Variants in MCM3AP observed in about 807,000 individuals in gnomAD.
The protein encoded by MCM3AP is germinal-center associated nuclear protein.
Under a neutral mutation model 184.1 loss-of-function variants are expected in MCM3AP, and 126 were observed. The ratio of observed to expected loss-of-function variants is 0.68; its 90% CI spans 0.59 to 0.79. The LOEUF is 0.79. MCM3AP is among the 30% of genes least tolerant of loss of function. MCM3AP has a pLI of 0.00. For missense variants in MCM3AP, 2,496 were observed against 2,479.2 expected, an observed-to-expected ratio of 1.01 and a Z score of -0.14; for synonymous variants, 1,002 against 979.3, an observed-to-expected ratio of 1.02 and a Z score of -0.43.
At chr21:46,257,919 C>A in intron 16 of MCM3AP, among the ~76,000 whole-genome samples, 1 of 110,344 alleles carries the variant, frequency 9.1e-6, no homozygotes. Context: ...AGTGAGACTC[C>A]ATCTCAAAAA....
intron 14 of MCM3AP, 69 bp downstream of exon 14, chr21:46,261,211 G>C (rs2081036960): frequency 1.3e-6 from 2 of 1,576,168 alleles, no homozygotes; most frequent in Admixed American, 1.7e-5. Flanking sequence ...GAGCATCGTG[G>C]CTAGGGTCAG....
In MCM3AP at chr21:46,264,357, A is replaced by G. The variant is rs542703747; in HGVS notation, c.3235-140T>C. 3.5e-5 allele frequency: 21 copies of G among 605,918 alleles called. No individual in the cohort carries two copies. In the African/African-American group the frequency reaches 3.5e-4, roughly 10 times the overall value. The allele number at this position is 605,918 out of a possible 1,614,324, so 37.5% of individuals were successfully genotyped here. On this transcript the variant is annotated intron_variant, in intron 12 of 27. Coordinates refer to ENST00000291688, the MANE Select transcript of MCM3AP (RefSeq NM_003906.5). ...GACACGGGGTCGGCTAGGCTGTTGC[A>G]GGAAAGGTGTCCCCTAGCGAATGGA...
intron 20 of MCM3AP, 84 bp downstream of exon 20, chr21:46,251,445 A>G (rs2080866570): frequency 9.0e-7 from 1 of 1,110,364 alleles, no homozygotes; most frequent in African/African-American, 1.5e-5. Context: ...GGGAATAAGC[A>G]GTATTTGCAT....
intron 10 of MCM3AP, 86 bp downstream of exon 10, chr21:46,266,896 C>G (rs905860919): frequency 2.1e-6 from 3 of 1,443,146 alleles, no homozygotes; most frequent in Non-Finnish European, 2.8e-6. Context: ...TCAAGTCAGG[C>G]AAGCAGCCAG....
At position 46,262,696 on chromosome 21, in the gene MCM3AP, G is replaced by A. The variant is rs868300396; in HGVS notation, c.3336-1285C>T. 6.6e-5 allele frequency among the ~76,000 whole-genome samples: 10 copies of A among 151,948 alleles called. No homozygotes were observed. In the Middle Eastern group the frequency reaches 0.01, roughly 155 times the overall value. ...AAGAAATAAAAAGGAGGCCGGGCGC[G>A]GTGGCTCACGCCTGTAATCCCAGCA... On this transcript the variant is annotated intron_variant, in intron 13 of 27. Transcript: ENST00000291688.
intron 9 of MCM3AP, 90 bp downstream of exon 9, chr21:46,270,311 C>T: frequency 7.6e-7 from 1 of 1,314,036 alleles, no homozygotes; most frequent in Non-Finnish European, 1.1e-6. Flanking sequence ...CCTGAGACCT[C>T]CTTTGAAAAG....
chr21:46,262,410 G>T (rs976978377), intron 13 of MCM3AP, among the ~76,000 whole-genome samples: 2 of 152,180 alleles, frequency 1.3e-5, no homozygotes, highest in African/African-American at 4.8e-5. Context: ...CATTTCAGGA[G>T]GCTGAGGTGG....
chr21:46,255,566 C>T (rs1043117031), intron 17 of MCM3AP, among the ~76,000 whole-genome samples: 2 of 151,972 alleles, frequency 1.3e-5, no homozygotes, highest in African/African-American at 4.8e-5. Context: ...AGGTTTGTGC[C>T]CTAAGCGCAG....
intron 25 of MCM3AP, chr21:46,241,344 C>A: frequency 4.3e-6 from 1 of 234,984 alleles, no homozygotes; most frequent in Non-Finnish European, 8.4e-6. Flanking sequence ...TGTCTTGCTT[C>A]CCACCCTAGG....
intron 9 of MCM3AP, among the ~76,000 whole-genome samples, chr21:46,268,448 A>G (rs1463197989): frequency 6.6e-6 from 1 of 152,234 alleles, no homozygotes; most frequent in Non-Finnish European, 1.5e-5. Flanking sequence ...GGAGAGACCA[A>G]TGCCACAGAA....
At chr21:46,243,279 C>G in intron 24 of MCM3AP, 186 bp downstream of exon 24, 1 of 773,840 alleles carries the variant, frequency 1.3e-6, no homozygotes, top group Non-Finnish European at 2.1e-6. Flanking sequence ...AGTTCAGGCT[C>G]TACCAGAAAC....
chr21:46,240,504 G>C (rs747088122), intron 26 of MCM3AP, among the ~76,000 whole-genome samples: 16 of 152,186 alleles, frequency 1.1e-4, no homozygotes, highest in Non-Finnish European at 2.1e-4. Flanking sequence ...GCCAGCCATA[G>C]TGTTCAGCAC....
At position 46,260,904 on chromosome 21, in the gene MCM3AP, A is replaced by G; in HGVS notation, c.3470T>C (p.Leu1157Ser). The change falls in exon 15 of 28, where the codon TTG becomes TCG. Residue 1157 changes from leucine (L) to serine (S), a missense_variant and splice_region_variant. Physicochemically the swap from Leu to Ser is moderately radical, Grantham distance 145 (BLOSUM62 -2). This residue lies in a region of MCM3AP where 1,323 missense variants were observed against 1,273.4 expected (regional missense o/e 1.04). Transcript: ENST00000291688. ...TAACACCAGCTCTCTCTCTTGTTTC[A>G]ACCTACAGGGAAGAGAAAAAATACA... Reference protein sequence around the residue: ...QERQRAEEERLKQERELVLSE... With the variant: ...QERQRAEEERSKQERELVLSE... 1 of 1,606,454 alleles carries G rather than the reference A, an allele frequency of 6.2e-7. No homozygotes were observed. Among genetic ancestry groups the G allele is most frequent in the Non-Finnish European group, 8.5e-7 (1 of 1,172,994 alleles).
chr21:46,269,379 C>G (rs2081152915), intron 9 of MCM3AP, among the ~76,000 whole-genome samples: 1 of 152,110 alleles, frequency 6.6e-6, no homozygotes, highest in Admixed American at 6.5e-5. Flanking sequence ...CCAAGTTTGC[C>G]AAGGTGCCAG....
chr21:46,237,803 T>TAA (rs201350314), intron 26 of MCM3AP, among the ~76,000 whole-genome samples: 6 of 108,294 alleles, frequency 5.5e-5, no homozygotes, highest in Non-Finnish European at 5.7e-5. Flanking sequence ...AAGCTTAATT[T>TAA]AAAAAAAAAA....
chr21:46,277,402 G>T, intron 5 of MCM3AP, 125 bp downstream of exon 5: 1 of 635,600 alleles, frequency 1.6e-6, no homozygotes, highest in Non-Finnish European at 2.6e-6. Context: ...ATCAGACACA[G>T]CATATCACAG....
At chr21:46,257,766 A>G (rs1354743858) in intron 16 of MCM3AP, among the ~76,000 whole-genome samples, 1 of 151,966 alleles carries the variant, frequency 6.6e-6, no homozygotes, top group Admixed American at 6.6e-5. Flanking sequence ...TAAAAATAAA[A>G]AAAACAAAAT....
chr21:46,260,365 T>G (rs773633720), intron 15 of MCM3AP, among the ~76,000 whole-genome samples: 1 of 152,218 alleles, frequency 6.6e-6, no homozygotes, highest in Non-Finnish European at 1.5e-5. Context: ...CATAGCACAC[T>G]ACCTGGAACT....
At position 46,260,592 on chromosome 21, in the gene MCM3AP, A is replaced by G. The variant is rs1476380031; in HGVS notation, c.3581+201T>C. Among the ~76,000 whole-genome samples the G allele has an allele frequency of 1.3e-5, 2 of 152,258 alleles. 1 individual carries two copies. Among genetic ancestry groups the G allele is most frequent in the Admixed American group, 1.3e-4 (2 of 15,284 alleles). On this transcript the variant is annotated intron_variant, in intron 15 of 27. Transcript: ENST00000291688. ...GATCATGTGGTGGCAGCCCTCATAT[A>G]AAAGAGAATTTTTTATAATAAAATT...
Sources: gnomAD v4.1 joint callset for allele counts (sites outside exome capture counted in the v4.1 genomes callset) on GRCh38, gnomAD v4.1.1 for gene constraint, gnomAD v4.1.1 regional missense constraint, MANE v1.5 for transcripts, NCBI Gene and HGNC (gene_info 2026-07-23, HGNC 2026-07-21) for gene names.